Variants in CPE observed in about 807,000 individuals in gnomAD.
The protein encoded by CPE is carboxypeptidase E.
A neutral mutation model predicts 53.5 loss-of-function variants in CPE; 17 were observed. That is an observed-to-expected ratio of 0.32 (90% CI 0.22 to 0.48). CPE has a LOEUF of 0.48. Ranked by LOEUF, CPE falls within the 20% of genes least tolerant of loss-of-function variation. The pLI is 0.99. For synonymous variants in CPE, 226 were observed against 228.8 expected, an observed-to-expected ratio of 0.99 and a Z score of 0.11; for missense variants, 524 against 614.7, an observed-to-expected ratio of 0.85 and a Z score of 1.56.
chr4:165,404,290 C>T (rs554830356), intron 1 of CPE: 37 of 769,834 alleles, frequency 4.8e-5, no homozygotes, highest in African/African-American at 3.4e-4. Context: ...TCCCCTCTTG[C>T]GGGCACGTGA....
chr4:165,479,101 A>C (rs1186613709), intron 3 of CPE, among the ~76,000 whole-genome samples: 1 of 152,226 alleles, frequency 6.6e-6, no homozygotes. Flanking sequence ...ATTCAATAGT[A>C]AAAGAAAAAC....
At chr4:165,430,257 C>T (rs1731386551) in intron 1 of CPE, among the ~76,000 whole-genome samples, 1 of 152,130 alleles carries the variant, frequency 6.6e-6, no homozygotes, top group Non-Finnish European at 1.5e-5. Flanking sequence ...TAATCTTAGT[C>T]ATACATACTA....
intron 3 of CPE, among the ~76,000 whole-genome samples, chr4:165,468,276 C>G (rs1305060654): frequency 4.0e-5 from 6 of 151,898 alleles, no homozygotes; most frequent in Non-Finnish European, 8.8e-5. Flanking sequence ...AGTTTTTTTC[C>G]CTGTTTCTTC....
chr4:165,400,768 A>C (rs954725190), intron 1 of CPE, among the ~76,000 whole-genome samples: 1 of 152,184 alleles, frequency 6.6e-6, no homozygotes, highest in South Asian at 2.1e-4. Context: ...GAAAGATTAC[A>C]TACTATTTTC....
At chr4:165,464,915 A>T (rs903791738) in intron 2 of CPE, among the ~76,000 whole-genome samples, 1 of 152,206 alleles carries the variant, frequency 6.6e-6, no homozygotes, top group Non-Finnish European at 1.5e-5. Flanking sequence ...CAAATATAAA[A>T]AATATCTACT....
chr4:165,390,686 A>G (rs528483283), intron 1 of CPE, among the ~76,000 whole-genome samples: 3 of 152,178 alleles, frequency 2.0e-5, no homozygotes, highest in South Asian at 4.1e-4. Flanking sequence ...GATTAGTAGC[A>G]TTTTTATATT....
intron 1 of CPE, among the ~76,000 whole-genome samples, chr4:165,427,436 A>G (rs1051133082): frequency 6.6e-6 from 1 of 151,924 alleles, no homozygotes; most frequent in South Asian, 2.1e-4. Context: ...TTCTATAAAC[A>G]TTTTCTCAAC....
intron 5 of CPE, among the ~76,000 whole-genome samples, 191 bp from the exon 6 acceptor site, chr4:165,487,247 T>G (rs1463347062): frequency 1.3e-5 from 2 of 152,206 alleles, no homozygotes; most frequent in Non-Finnish European, 2.9e-5. Context: ...TTTGTGCTTT[T>G]AAGGTATAAC....
intron 1 of CPE, among the ~76,000 whole-genome samples, chr4:165,450,375 T>G (rs902431434): frequency 5.3e-5 from 8 of 152,130 alleles, no homozygotes; most frequent in African/African-American, 1.2e-4. Context: ...CAAGGTCCTA[T>G]CTCAGTCCCT....
At chr4:165,405,528 G>A (rs899159732) in intron 1 of CPE, 2 of 954,418 alleles carry the variant, frequency 2.1e-6, no homozygotes, top group Admixed American at 3.4e-5. Context: ...TTGTAAATCT[G>A]TTGCCTGACA....
At chr4:165,459,679 G>GT (rs1452891548) in intron 1 of CPE, among the ~76,000 whole-genome samples, 1 of 130,950 alleles carries the variant, frequency 7.6e-6, no homozygotes, top group Non-Finnish European at 1.6e-5. Flanking sequence ...CTGGGTGGGG[G>GT]GGGGCGGGGC....
chr4:165,465,024 A>C (rs1331295354), intron 2 of CPE, among the ~76,000 whole-genome samples: 4 of 152,224 alleles, frequency 2.6e-5, no homozygotes, highest in Non-Finnish European at 5.9e-5. Flanking sequence ...GGCCGGAATA[A>C]TGTTTTACTG....
intron 1 of CPE, among the ~76,000 whole-genome samples, chr4:165,441,918 C>A (rs1009726161): frequency 6.6e-6 from 1 of 151,582 alleles, no homozygotes; most frequent in Admixed American, 6.6e-5. Flanking sequence ...TGAAAGGTAG[C>A]GTTCTTTTTG....
chr4:165,453,495 C>G (rs1731849077), intron 1 of CPE, among the ~76,000 whole-genome samples: 1 of 151,960 alleles, frequency 6.6e-6, no homozygotes, highest in Non-Finnish European at 1.5e-5. Flanking sequence ...GGTGATCCTC[C>G]CACCTCAGGC....
chr4:165,392,757 C>G (rs1445450623), intron 1 of CPE, among the ~76,000 whole-genome samples: 1 of 148,056 alleles, frequency 6.8e-6, no homozygotes, highest in Admixed American at 6.8e-5. Flanking sequence ...AAATCAGCCT[C>G]AAAGGACAAC....
intron 1 of CPE, among the ~76,000 whole-genome samples, chr4:165,445,666 A>T (rs1312580929): frequency 1.3e-5 from 2 of 152,228 alleles, no homozygotes; most frequent in East Asian, 3.8e-4. Flanking sequence ...AATTAAATTC[A>T]CAAGAAGATG....
At chr4:165,460,049 A>G (rs1429142968) in intron 1 of CPE, among the ~76,000 whole-genome samples, 4 of 151,882 alleles carry the variant, frequency 2.6e-5, no homozygotes, top group African/African-American at 9.7e-5. Flanking sequence ...GCTAGGAGAG[A>G]GATGAGTTAA....
chr4:165,405,143 C>A, intron 1 of CPE: 1 of 763,012 alleles, frequency 1.3e-6, no homozygotes, highest in Non-Finnish European at 2.4e-6. Flanking sequence ...GTCATTCAAT[C>A]CTTTGAACAC....
rs1469877770 is a variant in CPE at position 165,405,239 on chromosome 4, C to T, written c.307+25711C>T. On this transcript the variant is annotated intron_variant, in intron 1 of 8. Coordinates refer to ENST00000402744, the MANE Select transcript of CPE (RefSeq NM_001873.4). ...CTTATCCACGGAGACTTGGGCAATG[C>T]CTGCTCCCATCATCCCTGCACCAGG... The T allele has an allele frequency of 4.8e-6, 4 of 834,318 alleles. No individual in the cohort carries two copies. In the African/African-American group the frequency reaches 5.0e-5, roughly 10 times the overall value. The allele number at this position is 834,318 out of a possible 1,614,324, so 51.7% of individuals were successfully genotyped here. A position where few individuals can be genotyped will look rare whatever the true frequency, so the allele number is the denominator to read the frequency against.
Sources: gnomAD v4.1 joint callset for allele counts (sites outside exome capture counted in the v4.1 genomes callset) on GRCh38, gnomAD v4.1.1 for gene constraint, MANE v1.5 for transcripts, NCBI Gene and HGNC (gene_info 2026-07-23, HGNC 2026-07-21) for gene names.